DMD: variants seen among roughly 807,000 people sequenced by gnomAD.
DMD encodes the protein mutant dystrophin.
DMD carries 63 observed loss-of-function variants against 330.1 expected under a neutral mutation model. The ratio of observed to expected loss-of-function variants is 0.19; its 90% CI spans 0.16 to 0.24. The LOEUF is 0.24. Ranked by LOEUF, DMD falls within the 10% of genes least tolerant of loss-of-function variation. The pLI is 1.00. For missense variants in DMD, 3,344 were observed against 2,684.1 expected, an observed-to-expected ratio of 1.25 and a Z score of -5.43; for synonymous variants, 1,223 against 959.8, an observed-to-expected ratio of 1.27 and a Z score of -5.07.
At chrX:31,206,029 T>G (rs1404376991) in intron 66 of DMD, among the ~76,000 whole-genome samples, 1 of 112,606 alleles carries the variant, frequency 8.9e-6, no homozygotes, top group Non-Finnish European at 1.9e-5. Context: ...AAGAACCCAA[T>G]GCGTAATCAA....
intron 55 of DMD, among the ~76,000 whole-genome samples, chrX:31,574,141 T>G (rs775153365): frequency 4.2e-5 from 4 of 96,139 alleles, no homozygotes; most frequent in Admixed American, 3.3e-4. Context: ...TTTGTTTTTT[T>G]TTTTGTTTTT....
chrX:33,270,346 A>AG (rs1404762015), intron 1 of DMD, among the ~76,000 whole-genome samples: 4 of 110,545 alleles, frequency 3.6e-5, no homozygotes, highest in Non-Finnish European at 5.7e-5. Flanking sequence ...AAAAAAAAAA[A>AG]TCAGACAAAG....
intron 1 of DMD, among the ~76,000 whole-genome samples, chrX:33,176,868 C>G (rs145808481): frequency 9.0e-6 from 1 of 111,104 alleles, no homozygotes; most frequent in Admixed American, 9.6e-5. Flanking sequence ...ATCCAGCAGG[C>G]GGAGGTTGCA....
intron 1 of DMD, among the ~76,000 whole-genome samples, chrX:33,307,698 A>C (rs774264034): frequency 9.0e-6 from 1 of 111,655 alleles, no homozygotes; most frequent in African/African-American, 3.3e-5. Context: ...CAGAAAAAAT[A>C]TAAATATATA....
intron 43 of DMD, among the ~76,000 whole-genome samples, chrX:32,241,541 T>A (rs745929668): frequency 5.6e-4 from 63 of 112,294 alleles, no homozygotes; most frequent in Non-Finnish European, 9.6e-4. Flanking sequence ...GTTCCACACC[T>A]TGCTTGAAGC....
intron 71 of DMD, among the ~76,000 whole-genome samples, chrX:31,174,184 T>C (rs1296880313): frequency 9.0e-6 from 1 of 111,468 alleles, no homozygotes; most frequent in East Asian, 2.8e-4. Context: ...CACTAATTTC[T>C]AGCACAAAAT....
At chrX:31,221,190 C>T (rs990592001) in intron 64 of DMD, among the ~76,000 whole-genome samples, 1 of 111,424 alleles carries the variant, frequency 9.0e-6, no homozygotes, top group African/African-American at 3.3e-5. Context: ...CCAATCCATA[C>T]TCTGTTCCAC....
At chrX:32,850,109 G>GA (rs1352476915) in intron 2 of DMD, among the ~76,000 whole-genome samples, 4 of 111,562 alleles carry the variant, frequency 3.6e-5, no homozygotes, top group African/African-American at 6.5e-5. Context: ...ATGAAGGAGA[G>GA]AAAAAATACA....
At chrX:32,008,477 A>T (rs1362339057) in intron 44 of DMD, among the ~76,000 whole-genome samples, 1 of 111,664 alleles carries the variant, frequency 9.0e-6, no homozygotes, top group Non-Finnish European at 1.9e-5. Context: ...GATTAAAAAA[A>T]ATTACCTGAA....
chrX:32,267,682 C>CAA (rs1341337164), intron 43 of DMD, among the ~76,000 whole-genome samples: 1 of 111,946 alleles, frequency 8.9e-6, no homozygotes, highest in African/African-American at 3.2e-5. Context: ...AATCTTCACA[C>CAA]AAAAATAAAG....
intron 1 of DMD, among the ~76,000 whole-genome samples, chrX:33,048,719 G>GGA (rs1246859161): frequency 3.0e-5 from 2 of 67,493 alleles, no homozygotes; most frequent in African/African-American, 1.3e-4. Flanking sequence ...AAAAAAAAAA[G>GGA]GAGAGAGAGA....
intron 2 of DMD, among the ~76,000 whole-genome samples, chrX:32,958,788 A>C (rs2091736192): frequency 9.0e-6 from 1 of 111,097 alleles, no homozygotes; most frequent in Non-Finnish European, 1.9e-5. Flanking sequence ...TACCTCATTC[A>C]CTTAACTTCT....
chrX:33,164,580 T>G (rs1262991322), intron 1 of DMD, among the ~76,000 whole-genome samples: 2 of 112,256 alleles, frequency 1.8e-5, no homozygotes. Context: ...AGGCATAAAC[T>G]CATTTTAGGA....
intron 2 of DMD, among the ~76,000 whole-genome samples, chrX:32,914,711 AG>A (rs1294083088): frequency 8.9e-6 from 1 of 112,820 alleles, no homozygotes; most frequent in African/African-American, 3.2e-5. Flanking sequence ...TAGTAGTCAA[AG>A]AAACGACTGC....
In DMD at chrX:32,719,565, C is replaced by T. The variant is rs1044110771; in HGVS notation, c.650-20272G>A. Among the ~76,000 whole-genome samples the T allele has an allele frequency of 2.7e-5, 3 of 111,298 alleles. No individual in the cohort carries two copies. In the Admixed American group the frequency reaches 2.9e-4, roughly 11 times the overall value. Reference sequence around the variant, plus strand: ...AACTGATTATGTTAATATGCATTTGCCTCCAAATATTATAGTAAAATAATG... The same window carrying T: ...AACTGATTATGTTAATATGCATTTGTCTCCAAATATTATAGTAAAATAATG... On this transcript the variant is annotated intron_variant, in intron 7 of 78. Coordinates refer to ENST00000357033, the MANE Select transcript of DMD (RefSeq NM_004006.3).
chrX:32,524,094 G>C (rs932423521), intron 17 of DMD, among the ~76,000 whole-genome samples: 1 of 108,977 alleles, frequency 9.2e-6, no homozygotes, highest in African/African-American at 3.3e-5. Flanking sequence ...CACCACGCCC[G>C]GCTAATTTTT....
rs146225430 is a variant in DMD at position 33,154,854 on chromosome X, A to T, written c.31+56428T>A. ...GAGGATATTGGAATTACTCATGTAC[A>T]GAGTAAAAGGTTATTTTCCTCACCT... On this transcript the variant is annotated intron_variant, in intron 1 of 78. Coordinates refer to ENST00000357033, the MANE Select transcript of DMD (RefSeq NM_004006.3). Among the ~76,000 whole-genome samples the T allele has an allele frequency of 8.3e-3, 932 of 112,376 alleles. 8 individuals are homozygous for T. Among genetic ancestry groups the T allele is most frequent in the African/African-American group, 0.028 (872 of 30,967 alleles).
chrX:33,304,655 G>A (rs1459488185), intron 1 of DMD, among the ~76,000 whole-genome samples: 25 of 103,481 alleles, frequency 2.4e-4, no homozygotes, highest in African/African-American at 6.7e-4. Flanking sequence ...GAAAATTTTC[G>A]CAACCTACTC....
chrX:32,779,871 C>T (rs1047390400), intron 7 of DMD, among the ~76,000 whole-genome samples: 3 of 110,281 alleles, frequency 2.7e-5, no homozygotes, highest in East Asian at 2.8e-4. Flanking sequence ...ATAAAAAAAT[C>T]AAAAAAAGAA....
Sources: gnomAD v4.1 joint callset for allele counts (sites outside exome capture counted in the v4.1 genomes callset) on GRCh38, gnomAD v4.1.1 for gene constraint, MANE v1.5 for transcripts, NCBI Gene and HGNC (gene_info 2026-07-23, HGNC 2026-07-21) for gene names.